MAPKAP1: variants seen among roughly 807,000 people sequenced by gnomAD.
The protein encoded by MAPKAP1 is target of rapamycin complex 2 subunit MAPKAP1.
A neutral mutation model predicts 65.7 loss-of-function variants in MAPKAP1; 20 were observed. The ratio of observed to expected loss-of-function variants is 0.30; its 90% CI spans 0.21 to 0.44. The LOEUF is 0.44. MAPKAP1 is among the 20% of genes least tolerant of loss of function. The pLI, the probability that MAPKAP1 is intolerant of heterozygous loss-of-function variation, is 1.00. For missense variants in MAPKAP1, 423 were observed against 648.0 expected (o/e 0.65, Z 3.77); for synonymous variants, 222 against 244.3 (o/e 0.91, Z 0.85).
At chr9:125,498,162 A>G (rs889288027) in intron 8 of MAPKAP1, among the ~76,000 whole-genome samples, 11 of 152,180 alleles carry the variant, frequency 7.2e-5, no homozygotes, top group Non-Finnish European at 1.5e-5. Flanking sequence ...TTGGCTTGTC[A>G]TTTTCTTATT....
At chr9:125,672,277 T>C in intron 2 of MAPKAP1, 39 bp downstream of exon 2, 1 of 1,606,922 alleles carries the variant, frequency 6.2e-7, no homozygotes, top group Non-Finnish European at 8.5e-7. Context: ...TGTTTACTGA[T>C]TTAAAGCTCA....
chr9:125,496,654 T>C (rs1049909368), intron 8 of MAPKAP1, among the ~76,000 whole-genome samples: 2 of 152,136 alleles, frequency 1.3e-5, no homozygotes, highest in Non-Finnish European at 2.9e-5. Flanking sequence ...CCGTTATAAA[T>C]AAGCATCACA....
At chr9:125,632,589 A>C (rs1354080946) in intron 4 of MAPKAP1, among the ~76,000 whole-genome samples, 2 of 152,138 alleles carry the variant, frequency 1.3e-5, no homozygotes, top group Non-Finnish European at 2.9e-5. Context: ...TTATGACTTA[A>C]GTGCAAGTAT....
chr9:125,499,235 G>C (rs1475470227), intron 8 of MAPKAP1, among the ~76,000 whole-genome samples: 7 of 152,174 alleles, frequency 4.6e-5, no homozygotes, highest in Non-Finnish European at 1.0e-4. Flanking sequence ...TAAGGATAGG[G>C]AGGCTGTTCT....
At chr9:125,536,298 C>CA (rs1289053515) in intron 7 of MAPKAP1, among the ~76,000 whole-genome samples, 1 of 152,164 alleles carries the variant, frequency 6.6e-6, no homozygotes, top group Non-Finnish European at 1.5e-5. Flanking sequence ...TGAGATGGAA[C>CA]AGTAAGATAA....
At chr9:125,481,319 A>G in intron 9 of MAPKAP1, among the ~76,000 whole-genome samples, 1 of 152,148 alleles carries the variant, frequency 6.6e-6, no homozygotes, top group East Asian at 1.9e-4. Flanking sequence ...ATTCCAAGGC[A>G]GCGCTTTTCA....
chr9:125,698,287 A>AT lies in MAPKAP1; in HGVS notation c.-70+8683_-70+8684insA, dbSNP rs1293290004. On this transcript the variant is annotated intron_variant, in intron 1 of 11. Coordinates refer to ENST00000265960, the MANE Select transcript of MAPKAP1 (RefSeq NM_001006617.3). Reference sequence around the variant, plus strand: ...AATATATATAATACATAATATATATAAATATATATATATATATATATATAT... The same window carrying AT: ...AATATATATAATACATAATATATATATAATATATATATATATATATATATAT... Among the ~76,000 whole-genome samples the AT allele has an allele frequency of 4.8e-4, 13 of 27,104 alleles. 1 individual carries two copies. The highest frequency in any genetic ancestry group is 1.5e-3 in the African/African-American group (10 of 6,520). 17.8% of individuals were successfully genotyped at this position (27,104 alleles called of 152,430 possible).
chr9:125,551,020 C>G (rs556115912), intron 6 of MAPKAP1, among the ~76,000 whole-genome samples: 4 of 152,222 alleles, frequency 2.6e-5, no homozygotes, highest in African/African-American at 9.6e-5. Flanking sequence ...CCTCAGCTTA[C>G]ATATTATAAA....
chr9:125,642,646 G>A (rs1170422720), intron 4 of MAPKAP1, among the ~76,000 whole-genome samples: 1 of 152,186 alleles, frequency 6.6e-6, no homozygotes, highest in Non-Finnish European at 1.5e-5. Flanking sequence ...CTACCCCTCA[G>A]TTAAAGAAAC....
intron 1 of MAPKAP1, among the ~76,000 whole-genome samples, chr9:125,690,980 G>A (rs1835149006): frequency 6.6e-6 from 1 of 152,208 alleles, no homozygotes; most frequent in East Asian, 1.9e-4. Context: ...AACTGGTAGA[G>A]GCCGGGCGCA....
chr9:125,602,821 C>T (rs1302102563), intron 4 of MAPKAP1, among the ~76,000 whole-genome samples: 1 of 152,130 alleles, frequency 6.6e-6, no homozygotes. Flanking sequence ...AAACCCTCAG[C>T]TGGTGCAGCC....
intron 7 of MAPKAP1, among the ~76,000 whole-genome samples, chr9:125,519,239 T>C (rs1159934840): frequency 5.9e-5 from 9 of 152,220 alleles, no homozygotes; most frequent in East Asian, 1.9e-4. Context: ...CTGAGGTCCA[T>C]AGTCAAGCTA....
chr9:125,458,692 C>T (rs907694980), intron 10 of MAPKAP1, among the ~76,000 whole-genome samples: 4 of 149,964 alleles, frequency 2.7e-5, no homozygotes, highest in Non-Finnish European at 5.9e-5. Flanking sequence ...TCCACAAAAC[C>T]GCCATCGTCA....
chr9:125,533,150 T>C (rs1187773662), intron 7 of MAPKAP1, among the ~76,000 whole-genome samples: 2 of 152,204 alleles, frequency 1.3e-5, no homozygotes, highest in Admixed American at 1.3e-4. Flanking sequence ...AGCTGTATTC[T>C]AAACTATAGA....
rs1854292746 is a variant in MAPKAP1 at position 125,480,974 on chromosome 9, G to GGA, written c.1207+3467_1207+3468dup. The stretch of plus-strand genomic sequence containing the variant: ...GTGACAGAGCGAGACTCCGTTTCGG[G>GGA]GAAAAAAAAAAAAAAAAAAAAAAAA... On this transcript the variant is annotated intron_variant, in intron 9 of 11. Coordinates refer to ENST00000265960, the MANE Select transcript of MAPKAP1 (RefSeq NM_001006617.3). Among the ~76,000 whole-genome samples, 4 of 97,648 alleles carry GGA rather than the reference G, an allele frequency of 4.1e-5. No individual in the cohort carries two copies. In the East Asian group the frequency reaches 1.0e-3, roughly 26 times the overall value. 64.1% of individuals were successfully genotyped at this position (97,648 alleles called of 152,430 possible).
chr9:125,703,769 CAAA>C (rs1212274126), intron 1 of MAPKAP1, among the ~76,000 whole-genome samples: 3 of 61,638 alleles, frequency 4.9e-5, no homozygotes, highest in Admixed American at 1.8e-4. Context: ...AAGACTGTCT[CAAA>C]AAAAAAAAAA....
intron 4 of MAPKAP1, among the ~76,000 whole-genome samples, chr9:125,629,611 G>A (rs1339819935): frequency 6.6e-6 from 1 of 152,208 alleles, no homozygotes; most frequent in African/African-American, 2.4e-5. Context: ...AGGGCTGGGG[G>A]CAAGAGGAAA....
chr9:125,557,620 A>C (rs1195781383), intron 6 of MAPKAP1, among the ~76,000 whole-genome samples: 1 of 150,724 alleles, frequency 6.6e-6, no homozygotes, highest in African/African-American at 2.4e-5. Flanking sequence ...AGGTATATAG[A>C]TAATGACCAT....
chr9:125,499,865 T>G (rs1488788885), intron 8 of MAPKAP1, among the ~76,000 whole-genome samples: 4 of 151,960 alleles, frequency 2.6e-5, no homozygotes, highest in African/African-American at 9.7e-5. Context: ...TGTGTGCCCG[T>G]AATCATGGCT....
Sources: allele counts gnomAD v4.1 joint callset (sites outside exome capture counted in the v4.1 genomes callset), GRCh38; gene constraint gnomAD v4.1.1; transcripts MANE v1.5; gene names NCBI Gene and HGNC (gene_info 2026-07-23, HGNC 2026-07-21).